ST6GALNAC3: variants seen among roughly 807,000 people sequenced by gnomAD.
The protein encoded by ST6GALNAC3 is ST6 N-acetylgalactosaminide alpha-2,6-sialyltransferase 3.
Under a neutral mutation model 32.7 loss-of-function variants are expected in ST6GALNAC3, and 25 were observed. That is an observed-to-expected ratio of 0.76 (90% CI 0.56 to 1.07). The LOEUF is 1.07. ST6GALNAC3 is among the 50% of genes least tolerant of loss of function. ST6GALNAC3 has a pLI of 0.00. For missense variants in ST6GALNAC3, 355 were observed against 382.4 expected (o/e 0.93, Z 0.60); for synonymous variants, 129 against 133.1 (o/e 0.97, Z 0.21).
rs1046705505 is a variant in ST6GALNAC3 at position 76,314,008 on chromosome 1, C to T, written c.213+9C>T. The T allele has an allele frequency of 1.2e-6, 2 of 1,608,432 alleles. No homozygotes were observed. The highest frequency in any genetic ancestry group is 1.7e-6 in the Non-Finnish European group (2 of 1,177,176). ...ATGTGAAGACACAAGAGGTAAGATC[C>T]CAGAGGGTTACCTAGCAGTTGGAGA... On this transcript the variant is annotated intron_variant, in intron 2 of 4. Coordinates refer to ENST00000328299, the MANE Select transcript of ST6GALNAC3 (RefSeq NM_152996.4).
Position 76,376,704 on chromosome 1 carries a change from A to T in ST6GALNAC3, c.214-35304A>T, listed in dbSNP as rs184877541. Among the ~76,000 whole-genome samples the T allele has an allele frequency of 2.0e-5, 3 of 152,302 alleles. No homozygotes were observed. The East Asian group carries it at 5.8e-4, about 29-fold the overall frequency. The stretch of plus-strand genomic sequence containing the variant: ...CTGCACTCCACAAATCTGATTTTTA[A>T]TTAGTGTATTTAGACCATTTATATG... On this transcript the variant is annotated intron_variant, in intron 2 of 4. Transcript: ENST00000328299.
chr1:76,468,863 A>G (rs1296997866), intron 3 of ST6GALNAC3, among the ~76,000 whole-genome samples: 1 of 152,028 alleles, frequency 6.6e-6, no homozygotes, highest in Admixed American at 6.6e-5. Flanking sequence ...GAAGTAGAGG[A>G]AAGAAGGTAG....
intron 1 of ST6GALNAC3, among the ~76,000 whole-genome samples, chr1:76,264,775 T>C (rs909011812): frequency 2.0e-5 from 3 of 152,100 alleles, no homozygotes; most frequent in Non-Finnish European, 4.4e-5. Context: ...CTCTCTGAAA[T>C]AGTAGTAGTG....
rs942515448 is a variant in ST6GALNAC3, at chr1:76,142,880, C to T, written c.18+67996C>T. On this transcript the variant is annotated intron_variant, in intron 1 of 4. Coordinates refer to ENST00000328299, the MANE Select transcript of ST6GALNAC3 (RefSeq NM_152996.4). ...TTCTGGATCACATTGCTGTGAGCCACATTGGGTCAATTCACATGGAGGATT... is the reference window on the plus strand; with the variant it reads ...TTCTGGATCACATTGCTGTGAGCCATATTGGGTCAATTCACATGGAGGATT... 1.3e-5 allele frequency: 6 copies of T among 455,338 alleles called. No individual in the cohort carries two copies. In the East Asian group the frequency reaches 3.5e-4, roughly 26 times the overall value. 28.2% of individuals were successfully genotyped at this position (455,338 alleles called of 1,614,324 possible).
chr1:76,412,117 A>G lies in ST6GALNAC3; in HGVS notation c.323A>G (p.Asn108Ser), dbSNP rs764952049. 8 of 1,613,638 alleles carry G rather than the reference A, an allele frequency of 5.0e-6. No homozygotes were observed. Among genetic ancestry groups the G allele is most frequent in the Non-Finnish European group, 5.9e-6 (7 of 1,179,806 alleles). ...IDRSSCIWRM[N>S]NAPTKGYEED... Reference sequence around the variant, plus strand: ...CGATCCTCCTGCATTTGGAGAATGAACAATGCCCCCACCAAAGGTTATGAA... The same window carrying G: ...CGATCCTCCTGCATTTGGAGAATGAGCAATGCCCCCACCAAAGGTTATGAA... The change falls in exon 3 of 5, where the codon AAC (asparagine) becomes AGC (serine). Residue 108 changes from asparagine (N) to serine (S), a missense_variant. Physicochemically the swap from Asn to Ser is conservative, Grantham distance 46 (BLOSUM62 1). Transcript: ENST00000328299.
chr1:76,087,201 T>C (rs987994037), intron 1 of ST6GALNAC3, among the ~76,000 whole-genome samples: 1 of 152,208 alleles, frequency 6.6e-6, no homozygotes, highest in East Asian at 1.9e-4. Context: ...TTAAGGTTTG[T>C]TTTTCTCTCA....
At chr1:76,369,052 T>C (rs1422964396) in intron 2 of ST6GALNAC3, among the ~76,000 whole-genome samples, 2 of 152,188 alleles carry the variant, frequency 1.3e-5, no homozygotes, top group African/African-American at 2.4e-5. Flanking sequence ...AAATGTTGCT[T>C]ACCTTTTTGA....
chr1:76,416,074 C>CACACACAT (rs1654603238), intron 3 of ST6GALNAC3, among the ~76,000 whole-genome samples: 1 of 134,570 alleles, frequency 7.4e-6, no homozygotes, highest in Non-Finnish European at 1.7e-5. Flanking sequence ...CACACACACA[C>CACACACAT]ATAATCTTAG....
rs315070 is a variant in ST6GALNAC3, at chr1:76,541,034, G to C, written c.624-86418G>C. ...GAGTCAGAGAGTTCAGAGGAGGTTA[G>C]AGAAAATACAGGAAGGGAGTTTCAG... On this transcript the variant is annotated intron_variant, in intron 3 of 4. Transcript: ENST00000328299. Among the ~76,000 whole-genome samples, 1,195 of 152,130 alleles carry C rather than the reference G, an allele frequency of 7.9e-3. 5 individuals carry two copies. The highest frequency in any genetic ancestry group is 0.013 in the Non-Finnish European group (886 of 67,928).
chr1:76,221,702 G>A (rs1005977668), intron 1 of ST6GALNAC3, among the ~76,000 whole-genome samples: 1 of 152,016 alleles, frequency 6.6e-6, no homozygotes, highest in Non-Finnish European at 1.5e-5. Context: ...AACAAAAAAG[G>A]TTTAAGTATG....
chr1:76,101,497 G>T (rs1363977592), intron 1 of ST6GALNAC3, among the ~76,000 whole-genome samples: 1 of 152,176 alleles, frequency 6.6e-6, no homozygotes, highest in African/African-American at 2.4e-5. Flanking sequence ...CCTATATGAA[G>T]ATTTGTGTGG....
intron 2 of ST6GALNAC3, among the ~76,000 whole-genome samples, chr1:76,400,920 A>C (rs1429114493): frequency 1.3e-5 from 2 of 151,500 alleles, no homozygotes; most frequent in African/African-American, 4.8e-5. Flanking sequence ...AAAAGAATGG[A>C]AGATACTTAA....
At chr1:76,448,221 G>C (rs890731142) in intron 3 of ST6GALNAC3, among the ~76,000 whole-genome samples, 5 of 152,128 alleles carry the variant, frequency 3.3e-5, no homozygotes, top group African/African-American at 1.2e-4. Context: ...CTGCCCTGCT[G>C]GGGACTTCCA....
chr1:76,126,376 T>G (rs1372762772), intron 1 of ST6GALNAC3, among the ~76,000 whole-genome samples: 2 of 151,918 alleles, frequency 1.3e-5, no homozygotes, highest in Non-Finnish European at 2.9e-5. Flanking sequence ...GGAAAAGTCT[T>G]TCTTTCTTCT....
intron 1 of ST6GALNAC3, among the ~76,000 whole-genome samples, chr1:76,294,277 G>T (rs951529463): frequency 6.6e-6 from 1 of 151,706 alleles, no homozygotes; most frequent in African/African-American, 2.4e-5. Context: ...TATATTATTT[G>T]TTAGAATGGA....
At chr1:76,519,388 G>T (rs1662373352) in intron 3 of ST6GALNAC3, among the ~76,000 whole-genome samples, 1 of 152,052 alleles carries the variant, frequency 6.6e-6, no homozygotes, top group South Asian at 2.1e-4. Flanking sequence ...GAAGATAATG[G>T]TATCAATCAG....
chr1:76,579,787 A>G (rs1002851769), intron 3 of ST6GALNAC3, among the ~76,000 whole-genome samples: 1 of 151,968 alleles, frequency 6.6e-6, no homozygotes, highest in Non-Finnish European at 1.5e-5. Flanking sequence ...TAGAAGTTTT[A>G]TTATATTAGA....
chr1:76,490,844 T>C (rs1340794095), intron 3 of ST6GALNAC3, among the ~76,000 whole-genome samples: 1 of 140,778 alleles, frequency 7.1e-6, no homozygotes, highest in Non-Finnish European at 1.5e-5. Context: ...AGTTTCTTTT[T>C]TTTCTTTTTT....
chr1:76,393,965 GGGGA>G (rs1557849771), intron 2 of ST6GALNAC3, among the ~76,000 whole-genome samples: 1 of 152,162 alleles, frequency 6.6e-6, no homozygotes, highest in Admixed American at 6.5e-5. Context: ...AGATTCAAGA[GGGGA>G]GGGTCTTCTT....
Sources: allele counts gnomAD v4.1 joint callset (sites outside exome capture counted in the v4.1 genomes callset), GRCh38; gene constraint gnomAD v4.1.1; transcripts MANE v1.5; gene names NCBI Gene and HGNC (gene_info 2026-07-23, HGNC 2026-07-21).